Variants in DMD observed in about 807,000 individuals in gnomAD.
The protein encoded by DMD is mutant dystrophin.
DMD carries 63 observed loss-of-function variants against 330.1 expected under a neutral mutation model. That is an observed-to-expected ratio of 0.19 (90% CI 0.16 to 0.24). The LOEUF (loss-of-function observed/expected upper bound fraction) is 0.24. Among genes scored for constraint, DMD ranks in the 10% least tolerant of loss-of-function variants. The probability of loss-of-function intolerance (pLI) is 1.00; values close to 1 mark genes in which losing one functional copy is unlikely to be tolerated. For synonymous variants in DMD, 1,223 were observed against 959.8 expected (o/e 1.27, Z -5.07); for missense variants, 3,344 against 2,684.1 (o/e 1.25, Z -5.43).
intron 2 of DMD, among the ~76,000 whole-genome samples, chrX:32,866,860 A>C (rs2149116324): frequency 9.1e-6 from 1 of 109,699 alleles, no homozygotes; most frequent in Non-Finnish European, 1.9e-5. Flanking sequence ...CAGCCTTCCA[A>C]GTAGCTGGGA....
intron 44 of DMD, among the ~76,000 whole-genome samples, chrX:32,054,061 T>A (rs2096140081): frequency 2.0e-5 from 2 of 100,504 alleles, no homozygotes; most frequent in Non-Finnish European, 4.0e-5. Context: ...TCATATTGTA[T>A]ATGTGGGGTA....
chrX:31,659,594 C>T (rs1383006643), intron 53 of DMD, among the ~76,000 whole-genome samples: 2 of 95,422 alleles, frequency 2.1e-5, no homozygotes, highest in South Asian at 5.3e-4. Flanking sequence ...GCCAAGATCA[C>T]GCCACTGCAC....
At chrX:31,715,374 C>T (rs1218575993) in intron 52 of DMD, among the ~76,000 whole-genome samples, 1 of 104,834 alleles carries the variant, frequency 9.5e-6, no homozygotes, top group East Asian at 3.0e-4. Flanking sequence ...GAAACCCCGT[C>T]TCTACTAAAA....
At chrX:33,264,852 A>G (rs759930953) in intron 1 of DMD, among the ~76,000 whole-genome samples, 1 of 110,768 alleles carries the variant, frequency 9.0e-6, no homozygotes, top group Admixed American at 9.7e-5. Context: ...ATAAACTCCC[A>G]TATTCTGAGC....
At chrX:32,694,744 C>T (rs762890114) in intron 9 of DMD, among the ~76,000 whole-genome samples, 81 of 111,871 alleles carry the variant, frequency 7.2e-4, no homozygotes, top group Non-Finnish European at 1.3e-3. Flanking sequence ...GCAACCTCCA[C>T]CTCCCGGGTT....
At chrX:31,782,423 C>G (rs1295107502) in intron 50 of DMD, among the ~76,000 whole-genome samples, 1 of 110,957 alleles carries the variant, frequency 9.0e-6, no homozygotes, top group Non-Finnish European at 1.9e-5. Context: ...GCAAGTGATC[C>G]TGTCACCCAC....
rs193215685 is a variant in DMD at position 31,917,902 on chromosome X, C to T, written c.6912+11694G>A. 4.8e-4 allele frequency among the ~76,000 whole-genome samples: 54 copies of T among 111,906 alleles called. 1 individual carries two copies. Among genetic ancestry groups the T allele is most frequent in the Admixed American group, 4.2e-3 (44 of 10,568 alleles). On this transcript the variant is annotated intron_variant, in intron 47 of 78. Transcript: ENST00000357033. ...AATGTAGACACACCAATTCCCCTAACGTGCACAGTTTGGGACATGTGAGGA... is the reference window on the plus strand; with the variant it reads ...AATGTAGACACACCAATTCCCCTAATGTGCACAGTTTGGGACATGTGAGGA...
intron 2 of DMD, among the ~76,000 whole-genome samples, chrX:32,971,750 C>T (rs765493708): frequency 9.1e-6 from 1 of 110,203 alleles, no homozygotes; most frequent in Non-Finnish European, 1.9e-5. Flanking sequence ...AGATTCATGA[C>T]CTAGAGACAC....
chrX:32,521,278 C>A, intron 17 of DMD, among the ~76,000 whole-genome samples: 1 of 111,810 alleles, frequency 8.9e-6, no homozygotes, highest in Non-Finnish European at 1.9e-5. Context: ...CAAGGAATTC[C>A]CCTGCCTCAG....
chrX:33,207,821 C>A (rs2051668312), intron 1 of DMD, among the ~76,000 whole-genome samples: 1 of 111,456 alleles, frequency 9.0e-6, no homozygotes, highest in East Asian at 2.8e-4. Context: ...GATCAGTATA[C>A]TGCATTGAGC....
rs398123841 is a variant in DMD, at chrX:31,147,522, T to C, written c.10554-4A>G. ...GTCATATTCTGCTTGCAGATTCCTA[T>C]TGGCATCAAAAAAGTAAAAAAGAAA... On this transcript the variant is annotated splice_polypyrimidine_tract_variant and splice_region_variant and intron_variant, in intron 74 of 78. Transcript: ENST00000357033. 5.2e-6 allele frequency: 6 copies of C among 1,159,500 alleles called. No homozygotes were observed. The highest frequency in any genetic ancestry group is 6.1e-5 in the East Asian group (2 of 32,635).
chrX:31,475,826 A>G (rs1289460210), intron 59 of DMD, among the ~76,000 whole-genome samples: 1 of 111,589 alleles, frequency 9.0e-6, no homozygotes, highest in Non-Finnish European at 1.9e-5. Flanking sequence ...ATGAAGAGCT[A>G]TGCAATTCAA....
At chrX:32,134,489 C>T (rs1356717634) in intron 44 of DMD, among the ~76,000 whole-genome samples, 1 of 110,662 alleles carries the variant, frequency 9.0e-6, no homozygotes, top group Non-Finnish European at 1.9e-5. Flanking sequence ...TAGGGATACA[C>T]ATGTCCTTTT....
chrX:31,196,746 G>A (rs1317471214), intron 67 of DMD, among the ~76,000 whole-genome samples: 2 of 94,230 alleles, frequency 2.1e-5, no homozygotes, highest in African/African-American at 8.0e-5. Flanking sequence ...ACTTGAACCT[G>A]GGAGGTGGAG....
At chrX:31,939,969 A>G in intron 45 of DMD, among the ~76,000 whole-genome samples, 1 of 112,006 alleles carries the variant, frequency 8.9e-6, no homozygotes, top group Middle Eastern at 4.6e-3. Flanking sequence ...GGTGAAGCAT[A>G]TATGTAATCA....
chrX:31,130,903 T>G (rs761269405), intron 77 of DMD, among the ~76,000 whole-genome samples: 28 of 112,184 alleles, frequency 2.5e-4, no homozygotes, highest in South Asian at 2.2e-3. Flanking sequence ...AGCATAAGTT[T>G]TTTAAAAACG....
intron 62 of DMD, among the ~76,000 whole-genome samples, chrX:31,286,087 G>A (rs918836134): frequency 8.9e-6 from 1 of 112,015 alleles, no homozygotes; most frequent in African/African-American, 3.2e-5. Flanking sequence ...GAAGTAAAAA[G>A]CTTTTCATAT....
At chrX:31,530,111 T>A (rs1365417918) in intron 55 of DMD, among the ~76,000 whole-genome samples, 1 of 111,672 alleles carries the variant, frequency 9.0e-6, no homozygotes, top group African/African-American at 3.3e-5. Context: ...TAATACAGAT[T>A]TTATGTTTAA....
chrX:32,607,572 A>G (rs954210808), intron 12 of DMD, among the ~76,000 whole-genome samples: 3 of 110,485 alleles, frequency 2.7e-5, no homozygotes, highest in Non-Finnish European at 3.8e-5. Flanking sequence ...TGTTCATAAC[A>G]GAAATATTAA....
Sources: gnomAD v4.1 joint callset for allele counts (sites outside exome capture counted in the v4.1 genomes callset) on GRCh38, gnomAD v4.1.1 for gene constraint, MANE v1.5 for transcripts, NCBI Gene and HGNC (gene_info 2026-07-23, HGNC 2026-07-21) for gene names.